Variants in PRKD3 observed in about 807,000 individuals in gnomAD.
PRKD3 encodes the protein protein kinase D3.
PRKD3 carries 47 observed loss-of-function variants against 99.2 expected under a neutral mutation model. The observed-to-expected ratio is 0.47, with a 90% confidence interval of 0.38 to 0.60. The LOEUF (loss-of-function observed/expected upper bound fraction) is 0.60. Ranked by LOEUF, PRKD3 falls within the 20% of genes least tolerant of loss-of-function variation. PRKD3 has a pLI of 0.00. For missense variants in PRKD3, 1,019 were observed against 1,088.4 expected (o/e 0.94, Z 0.90); for synonymous variants, 392 against 355.4 (o/e 1.10, Z -1.16).
intron 2 of PRKD3, among the ~76,000 whole-genome samples, chr2:37,302,858 CA>C: frequency 6.6e-6 from 1 of 152,198 alleles, no homozygotes; most frequent in Non-Finnish European, 1.5e-5. Flanking sequence ...ACTAGGCAGA[CA>C]GGGGTGGGTC....
chr2:37,324,308 C>A, intron 1 of PRKD3: 1 of 806,990 alleles, frequency 1.2e-6, no homozygotes, highest in Non-Finnish European at 1.5e-6. Flanking sequence ...TTGGGAGACC[C>A]GGGAACGGAT....
intron 11 of PRKD3, among the ~76,000 whole-genome samples, chr2:37,273,821 G>C (rs559141135): frequency 3.3e-5 from 5 of 152,110 alleles, no homozygotes; most frequent in African/African-American, 9.7e-5. Flanking sequence ...GTGACCTTTC[G>C]ATTGTTAACT....
chr2:37,316,195 A>G (rs1225323878), intron 2 of PRKD3, 42 bp downstream of exon 2: 1 of 1,519,672 alleles, frequency 6.6e-7, no homozygotes, highest in Non-Finnish European at 9.0e-7. Flanking sequence ...GAAAAACATC[A>G]GTAACAATAT....
chr2:37,282,800 A>T (rs1572659899), intron 6 of PRKD3, among the ~76,000 whole-genome samples, 181 bp from the exon 7 acceptor site: 1 of 152,154 alleles, frequency 6.6e-6, no homozygotes, highest in African/African-American at 2.4e-5. Context: ...CTTCATTTGT[A>T]TAATGAGGCT....
chr2:37,318,864 T>C (rs908500721), intron 1 of PRKD3, among the ~76,000 whole-genome samples: 2 of 152,186 alleles, frequency 1.3e-5, no homozygotes, highest in Admixed American at 6.5e-5. Flanking sequence ...TTTCAAGTTC[T>C]GGCGGCTGGA....
rs749894949 is a variant in PRKD3, at chr2:37,279,899, A to G, written c.1019T>C (p.Ile340Thr). 20 of 1,612,292 alleles carry G rather than the reference A, an allele frequency of 1.2e-5. No homozygotes were observed. The highest frequency in any genetic ancestry group is 2.7e-5 in the African/African-American group (2 of 74,796). The change falls in exon 8 of 19, where the codon ATA becomes ACA. Residue 340 changes from isoleucine to threonine, a missense_variant. Ile to Thr is a moderately conservative substitution (Grantham distance 89). Transcript: ENST00000234179. The part of the protein sequence containing the change: ...EPSSLGTDTD[I>T]PMDIDNNDIN... ...GTCATTATTGTCAATATCCATTGGT[A>G]TATCTGTATCTGTTCCCAGACTGGA...
Position 37,274,623 on chromosome 2 carries a change from T to C in PRKD3, c.1449A>G (p.Pro483=). ...DFTNISQGSN[P]HCFEIITDTM... is the part of the protein sequence containing the mutation. Reference sequence around the variant, plus strand: ...TATCAGTAATGATTTCAAAACAGTGTGGATTGCTGCCTTGTGAAATGTTTG... The same window carrying C: ...TATCAGTAATGATTTCAAAACAGTGCGGATTGCTGCCTTGTGAAATGTTTG... Residue 483 remains proline (P), a synonymous_variant, in exon 11 of 19, where the codon CCA becomes CCG. Coordinates refer to ENST00000234179, the MANE Select transcript of PRKD3 (RefSeq NM_005813.6). 6.2e-7 allele frequency: 1 copy of C among 1,614,062 alleles called. No homozygotes were observed.
intron 2 of PRKD3, among the ~76,000 whole-genome samples, chr2:37,295,926 A>G (rs1414040138): frequency 1.3e-5 from 2 of 152,240 alleles, no homozygotes; most frequent in Non-Finnish European, 1.5e-5. Context: ...TATCAGTCAG[A>G]AAAGTATCAG....
rs954358301 is a variant in PRKD3 at position 37,251,088 on chromosome 2, G to A, written c.*2089C>T. The A allele has an allele frequency of 5.2e-5, 8 of 152,566 alleles. No homozygotes were observed. Among genetic ancestry groups the A allele is most frequent in the Non-Finnish European group, 1.0e-4 (7 of 68,022 alleles). The allele number at this position is 152,566 out of a possible 1,614,324, so 9.5% of individuals were successfully genotyped here. On this transcript the variant is annotated 3_prime_UTR_variant, in exon 19 of 19. Transcript: ENST00000234179. ...CACCTTACATAGTAAAACCACAGTA[G>A]ATTGATTGCCTAGTGACTCAGAATT...
chr2:37,289,342 C>G lies in PRKD3; in HGVS notation c.717+14G>C. 6.2e-7 allele frequency: 1 copy of G among 1,612,966 alleles called. No individual in the cohort carries two copies. The highest frequency in any genetic ancestry group is 8.5e-7 in the Non-Finnish European group (1 of 1,179,528). On this transcript the variant is annotated intron_variant, in intron 5 of 18. Transcript: ENST00000234179. ...TAACTACTACTAAAATGTCTATTAC[C>G]TTAGAATACGTACCTCTTCACTGGG...
At chr2:37,259,786 G>C (rs1668265266) in intron 15 of PRKD3, 105 bp from the exon 16 acceptor site, 1 of 759,702 alleles carries the variant, frequency 1.3e-6, no homozygotes. Flanking sequence ...AGTTCATCAA[G>C]ACTTAGCTAA....
rs550025912 is a variant in PRKD3 at position 37,262,325 on chromosome 2, G to C, written c.1885-1941C>G. ...TTTCCACTGTATTGTAATAATGTGTGTATTCTACTCCATTGTTTAATAAAC... is the reference window on the plus strand; with the variant it reads ...TTTCCACTGTATTGTAATAATGTGTCTATTCTACTCCATTGTTTAATAAAC... On this transcript the variant is annotated intron_variant, in intron 14 of 18. Transcript: ENST00000234179. Among the ~76,000 whole-genome samples, 4 of 152,230 alleles carry C rather than the reference G, an allele frequency of 2.6e-5. No individual in the cohort carries two copies. The South Asian group carries it at 6.2e-4, about 24-fold the overall frequency.
At chr2:37,253,420 TG>T in intron 18 of PRKD3, 70 bp from the exon 19 acceptor site, 1 of 1,374,844 alleles carries the variant, frequency 7.3e-7, no homozygotes, top group Non-Finnish European at 9.8e-7. Context: ...TTTTGTTTTG[TG>T]TTTTTTTTTG....
At chr2:37,275,239 A>G (rs1669509687) in intron 10 of PRKD3, among the ~76,000 whole-genome samples, 1 of 152,124 alleles carries the variant, frequency 6.6e-6, no homozygotes, top group African/African-American at 2.4e-5. Context: ...CACCTGCTCA[A>G]AGCAAGCCAT....
rs1572591719 is a variant in PRKD3, at chr2:37,252,880, C to A, written c.*297G>T. 2 of 144,698 alleles carry A rather than the reference C, an allele frequency of 1.4e-5. No individual in the cohort carries two copies. The highest frequency in any genetic ancestry group is 2.4e-4 in the South Asian group (1 of 4,122). The allele number at this position is 144,698 out of a possible 1,614,324, so 9.0% of individuals were successfully genotyped here. ...ATATATATAAAGAGAAATGGGAAGA[C>A]AAATTAAGTGAGCCTATTGTATTAA... is the stretch of plus-strand genomic sequence containing the variant. On this transcript the variant is annotated 3_prime_UTR_variant, in exon 19 of 19. Transcript: ENST00000234179.
chr2:37,295,793 G>GT (rs1437631268), intron 2 of PRKD3, among the ~76,000 whole-genome samples: 1 of 152,174 alleles, frequency 6.6e-6, no homozygotes, highest in African/African-American at 2.4e-5. Context: ...GAGACATAAG[G>GT]TTTCAGAGCA....
At chr2:37,324,178 T>A (rs1401098185) in intron 1 of PRKD3, 1 of 985,078 alleles carries the variant, frequency 1.0e-6, no homozygotes, top group African/African-American at 1.8e-5. Flanking sequence ...GCTTACATTC[T>A]CCAAGCACCA....
At chr2:37,269,279 G>C (rs527907596) in intron 13 of PRKD3, 23 of 247,838 alleles carry the variant, frequency 9.3e-5, no homozygotes, top group Non-Finnish European at 1.7e-4. Flanking sequence ...AAAACTAGTA[G>C]GGAATATACT....
chr2:37,263,639 T>G (rs1246520195), intron 14 of PRKD3, among the ~76,000 whole-genome samples: 1 of 152,216 alleles, frequency 6.6e-6, no homozygotes, highest in Non-Finnish European at 1.5e-5. Context: ...GTGTTTTCCC[T>G]TGAGTTAAAT....
Sources: gnomAD v4.1 joint callset for allele counts (sites outside exome capture counted in the v4.1 genomes callset) on GRCh38, gnomAD v4.1.1 for gene constraint, MANE v1.5 for transcripts, NCBI Gene and HGNC (gene_info 2026-07-23, HGNC 2026-07-21) for gene names.